Variants in LGR5 observed in about 807,000 individuals in gnomAD.
The protein encoded by LGR5 is leucine-rich repeat-containing G protein-coupled receptor 5.
In LGR5, 54 loss-of-function variants were observed where a neutral mutation model predicts 76.7. That is an observed-to-expected ratio of 0.70 (90% CI 0.57 to 0.88). The LOEUF (loss-of-function observed/expected upper bound fraction) is 0.88, where lower values mean the gene tolerates loss of function less well. Ranked by LOEUF, LGR5 falls within the 40% of genes least tolerant of loss-of-function variation. LGR5 has a pLI of 0.00. For synonymous variants in LGR5, 406 were observed against 421.9 expected (o/e 0.96, Z 0.46); for missense variants, 1,078 against 1,073.3 (o/e 1.00, Z -0.06).
Position 71,549,194 on chromosome 12 carries a change from T to G in LGR5, c.429-3879T>G, listed in dbSNP as rs1247832698. Among the ~76,000 whole-genome samples, 3 of 152,188 alleles carry G rather than the reference T, an allele frequency of 2.0e-5. No individual in the cohort carries two copies. The East Asian group carries it at 5.8e-4, about 29-fold the overall frequency. Reference sequence around the variant, plus strand: ...AGAACCACCTGTGTGAGTGACTGGATAGTTAATTCTATACTCCTGTTTACC... The same window carrying G: ...AGAACCACCTGTGTGAGTGACTGGAGAGTTAATTCTATACTCCTGTTTACC... On this transcript the variant is annotated intron_variant, in intron 4 of 17. Transcript: ENST00000266674.
At chr12:71,516,506 C>A (rs1335854407) in intron 2 of LGR5, among the ~76,000 whole-genome samples, 2 of 152,144 alleles carry the variant, frequency 1.3e-5, no homozygotes, top group Non-Finnish European at 2.9e-5. Context: ...TGCCCGCTTC[C>A]ATCCTCAGTA....
intron 17 of LGR5, chr12:71,583,345 T>C (rs542683170): frequency 3.2e-6 from 1 of 308,800 alleles, no homozygotes; most frequent in Non-Finnish European, 6.0e-6. Flanking sequence ...ATCTGGCTTT[T>C]TACCTGGCTC....
intron 2 of LGR5, among the ~76,000 whole-genome samples, chr12:71,517,011 A>G (rs1168075893): frequency 1.3e-5 from 2 of 152,152 alleles, no homozygotes; most frequent in Admixed American, 6.5e-5. Flanking sequence ...TTAAAAAAAA[A>G]AAAAAACTTC....
rs2137483506 is a variant in LGR5, at chr12:71,583,122, G to GA, written c.1637-518dup. Among the ~76,000 whole-genome samples, 4 of 152,092 alleles carry GA rather than the reference G, an allele frequency of 2.6e-5. No individual in the cohort carries two copies. The East Asian group carries it at 7.7e-4, about 29-fold the overall frequency. On this transcript the variant is annotated intron_variant, in intron 17 of 17. Transcript: ENST00000266674. ...TTCCAAAAAACAGGATGAGCCAGTT[G>GA]AAAAAAAGATAGCTAGGAAGAGTTG...
intron 4 of LGR5, among the ~76,000 whole-genome samples, chr12:71,537,408 A>G (rs1402753647): frequency 6.6e-6 from 1 of 152,094 alleles, no homozygotes; most frequent in Non-Finnish European, 1.5e-5. Context: ...GTTTGAGGTT[A>G]CAGGTTACAG....
intron 1 of LGR5, among the ~76,000 whole-genome samples, chr12:71,445,573 A>C (rs1401509366): frequency 6.6e-6 from 1 of 152,246 alleles, no homozygotes; most frequent in Non-Finnish European, 1.5e-5. Flanking sequence ...TTTTTAATTA[A>C]ATTCTCATAA....
In LGR5 at chr12:71,468,709, CTTTTTTT is replaced by C. The variant is rs538254378; in HGVS notation, c.212+28435_212+28441del. On this transcript the variant is annotated intron_variant, in intron 1 of 17. Transcript: ENST00000266674. Reference sequence around the variant, plus strand: ...CTTTGAAGGATCTCTGTGGTAGCCTCTTTTTTTTTTTTTTTTTTTTTTTTGGTGCGTG... The same window carrying C: ...CTTTGAAGGATCTCTGTGGTAGCCTCTTTTTTTTTTTTTTTTTGGTGCGTG... 4.0e-4 allele frequency among the ~76,000 whole-genome samples: 28 copies of C among 70,076 alleles called. No individual in the cohort carries two copies. The South Asian group carries it at 5.2e-3, about 13-fold the overall frequency. 46.0% of individuals were successfully genotyped at this position (70,076 alleles called of 152,430 possible).
At chr12:71,514,107 A>G (rs972827022) in intron 2 of LGR5, among the ~76,000 whole-genome samples, 1 of 151,404 alleles carries the variant, frequency 6.6e-6, no homozygotes, top group Non-Finnish European at 1.5e-5. Context: ...AACAACAAAA[A>G]CAAACAAACA....
intron 8 of LGR5, among the ~76,000 whole-genome samples, chr12:71,565,731 A>C (rs1468340462): frequency 6.6e-6 from 1 of 151,686 alleles, no homozygotes; most frequent in African/African-American, 2.4e-5. Context: ...ACATTAGTGA[A>C]TATTTGTTGA....
At chr12:71,441,086 C>T (rs1045668505) in intron 1 of LGR5, among the ~76,000 whole-genome samples, 4 of 152,108 alleles carry the variant, frequency 2.6e-5, no homozygotes, top group Admixed American at 2.0e-4. Flanking sequence ...CACCGACACC[C>T]AAAGGGAGAC....
chr12:71,549,261 A>C (rs1877354682), intron 4 of LGR5, among the ~76,000 whole-genome samples: 1 of 152,052 alleles, frequency 6.6e-6, no homozygotes, highest in Admixed American at 6.5e-5. Flanking sequence ...ATAGAAGCAG[A>C]GTGTAGAATA....
rs1016202823 is a variant in LGR5, at chr12:71,520,356, A to G, written c.285-4050A>G. ...TGAGATACCTAGAAAAAGCAAGTTC[A>G]TAGACAGAGGATGTAGAATAGAAAT... On this transcript the variant is annotated intron_variant, in intron 2 of 17. Transcript: ENST00000266674. 2.0e-5 allele frequency among the ~76,000 whole-genome samples: 3 copies of G among 152,190 alleles called. No individual in the cohort carries two copies. In the South Asian group the frequency reaches 6.2e-4, roughly 32 times the overall value.
chr12:71,439,885 C>T lies in LGR5; in HGVS notation c.-196C>T. 1 of 542,884 alleles carries T rather than the reference C, an allele frequency of 1.8e-6. No individual in the cohort carries two copies. Among genetic ancestry groups the T allele is most frequent in the Non-Finnish European group, 3.2e-6 (1 of 313,854 alleles). The allele number at this position is 542,884 out of a possible 1,614,324, so 33.6% of individuals were successfully genotyped here. A position where few individuals can be genotyped will look rare whatever the true frequency, so the allele number is the denominator to read the frequency against. On this transcript the variant is annotated 5_prime_UTR_variant, in exon 1 of 18. Transcript: ENST00000266674. ...AGGGCTGCTCCGAAGGCCGGCGTGG[C>T]GGCAACCGGCACCTCTGTCCCCGCC... is the stretch of plus-strand genomic sequence containing the variant.
chr12:71,556,919 A>T (rs1877799149), intron 6 of LGR5, among the ~76,000 whole-genome samples: 1 of 152,212 alleles, frequency 6.6e-6, no homozygotes, highest in Admixed American at 6.5e-5. Context: ...AATCATTATA[A>T]ATTAAATGAG....
At chr12:71,484,619 A>G (rs530451838) in intron 1 of LGR5, among the ~76,000 whole-genome samples, 212 of 151,958 alleles carry the variant, frequency 1.4e-3, no homozygotes, top group African/African-American at 4.3e-3. Flanking sequence ...GATGTTCACA[A>G]AGGGTTTGGT....
At position 71,548,327 on chromosome 12, in the gene LGR5, G is replaced by A. The variant is rs537213757; in HGVS notation, c.429-4746G>A. Among the ~76,000 whole-genome samples the A allele has an allele frequency of 5.5e-3, 835 of 152,094 alleles. 8 individuals are homozygous for A. Among genetic ancestry groups the A allele is most frequent in the African/African-American group, 0.018 (728 of 41,500 alleles). ...TGTGTGTGTGTGTGTGTGTGTGTGC[G>A]TAGATACATATACACATGCATAGCA... On this transcript the variant is annotated intron_variant, in intron 4 of 17. Coordinates refer to ENST00000266674, the MANE Select transcript of LGR5 (RefSeq NM_003667.4).
At chr12:71,506,776 G>C (rs1300388613) in intron 2 of LGR5, among the ~76,000 whole-genome samples, 1 of 152,092 alleles carries the variant, frequency 6.6e-6, no homozygotes, top group Non-Finnish European at 1.5e-5. Context: ...ATGTCTTAAA[G>C]ACATCATTAT....
chr12:71,556,413 A>G (rs1877765976), intron 5 of LGR5, among the ~76,000 whole-genome samples: 1 of 152,212 alleles, frequency 6.6e-6, no homozygotes, highest in East Asian at 1.9e-4. Flanking sequence ...CTGAAGCTAA[A>G]AGGTAAAAAA....
intron 1 of LGR5, among the ~76,000 whole-genome samples, chr12:71,497,629 T>C (rs1349080259): frequency 1.3e-5 from 2 of 152,202 alleles, no homozygotes; most frequent in Non-Finnish European, 2.9e-5. Flanking sequence ...TAGAAGTATA[T>C]GTGAAAAGTG....
Sources: gnomAD v4.1 joint callset for allele counts (sites outside exome capture counted in the v4.1 genomes callset) on GRCh38, gnomAD v4.1.1 for gene constraint, MANE v1.5 for transcripts, NCBI Gene and HGNC (gene_info 2026-07-23, HGNC 2026-07-21) for gene names.